MAD1L1: variants seen among roughly 807,000 people sequenced by gnomAD.
MAD1L1 encodes mitotic spindle assembly checkpoint protein MAD1.
In MAD1L1, 95 loss-of-function variants were observed where a neutral mutation model predicts 96.9. The ratio of observed to expected loss-of-function variants is 0.98; its 90% CI spans 0.83 to 1.16. MAD1L1 has a LOEUF of 1.16. Ranked by LOEUF, MAD1L1 falls within the 50% of genes most tolerant of loss-of-function variation. The pLI is 0.00. For synonymous variants in MAD1L1, 473 were observed against 396.6 expected, an observed-to-expected ratio of 1.19 and a Z score of -2.29; for missense variants, 1,007 against 954.4, an observed-to-expected ratio of 1.06 and a Z score of -0.73.
chr7:2,223,202 G>A (rs901413720), intron 4 of MAD1L1, among the ~76,000 whole-genome samples: 3 of 152,242 alleles, frequency 2.0e-5, no homozygotes, highest in Non-Finnish European at 4.4e-5. Flanking sequence ...GGCAGAGACA[G>A]GCAGCGTGGA....
intron 18 of MAD1L1, among the ~76,000 whole-genome samples, chr7:1,892,515 T>G (rs11768206): frequency 0.3 from 45,398 of 152,112 alleles, 8,146 homozygotes; most frequent in East Asian, 0.45. Context: ...CATGCAAATA[T>G]TCATCCCTAA....
chr7:2,230,202 G>A, intron 2 of MAD1L1, 59 bp from the exon 3 acceptor site: 5 of 1,422,868 alleles, frequency 3.5e-6, no homozygotes, highest in Non-Finnish European at 4.8e-6. Flanking sequence ...CATCAGCCGT[G>A]CAGTCAGCAG....
chr7:1,825,847 G>C (rs1345689640), intron 18 of MAD1L1, among the ~76,000 whole-genome samples: 1 of 151,924 alleles, frequency 6.6e-6, no homozygotes, highest in Non-Finnish European at 1.5e-5. Flanking sequence ...TCCCAGCCCC[G>C]GGGTTGGAGG....
intron 13 of MAD1L1, among the ~76,000 whole-genome samples, chr7:2,006,892 C>G (rs541397300): frequency 2.0e-5 from 3 of 152,318 alleles, no homozygotes; most frequent in Admixed American, 6.5e-5. Flanking sequence ...ACACACCCCC[C>G]ACCTCAGTCC....
At chr7:1,904,607 T>C (rs1355751758) in intron 17 of MAD1L1, among the ~76,000 whole-genome samples, 552 of 47,932 alleles carry the variant, frequency 0.012, 1 homozygote, top group Middle Eastern at 0.089. Context: ...TAATGAAGCA[T>C]TGTTCCAGGC....
intron 18 of MAD1L1, among the ~76,000 whole-genome samples, chr7:1,832,934 C>T (rs77127512): frequency 4.2e-4 from 60 of 144,002 alleles, no homozygotes; most frequent in South Asian, 1.4e-3. Flanking sequence ...ACCCAGCCCA[C>T]TGGTGTTTTT....
intron 15 of MAD1L1, among the ~76,000 whole-genome samples, chr7:1,960,304 CA>C: frequency 6.7e-6 from 1 of 148,468 alleles, no homozygotes; most frequent in East Asian, 2.0e-4. Flanking sequence ...AGAAAACAGT[CA>C]AATGACAAGA....
intron 18 of MAD1L1, among the ~76,000 whole-genome samples, chr7:1,863,905 G>A (rs1000962731): frequency 2.0e-5 from 3 of 152,184 alleles, no homozygotes; most frequent in African/African-American, 7.2e-5. Flanking sequence ...TGGCCAAGAT[G>A]GTGAAACCCC....
chr7:1,937,328 C>T (rs1470510737), intron 16 of MAD1L1, among the ~76,000 whole-genome samples: 9 of 152,164 alleles, frequency 5.9e-5, no homozygotes, highest in Non-Finnish European at 5.9e-5. Flanking sequence ...GAAGGTGCCC[C>T]GTGCCACAAG....
At chr7:2,176,962 G>A (rs970898574) in intron 10 of MAD1L1, among the ~76,000 whole-genome samples, 4 of 152,194 alleles carry the variant, frequency 2.6e-5, no homozygotes, top group Non-Finnish European at 5.9e-5. Context: ...TGTGAAATCA[G>A]AAGAGACACC....
intron 9 of MAD1L1, among the ~76,000 whole-genome samples, chr7:2,213,982 C>T (rs1793123342): frequency 6.6e-6 from 1 of 152,288 alleles, no homozygotes; most frequent in Non-Finnish European, 1.5e-5. Context: ...ACGCTCCACT[C>T]GGCAAGTCAG....
intron 12 of MAD1L1, among the ~76,000 whole-genome samples, chr7:2,045,723 G>A (rs1783889671): frequency 6.6e-6 from 1 of 151,910 alleles, no homozygotes; most frequent in Admixed American, 6.6e-5. Context: ...ATTCCTTGAA[G>A]GAAGGAGAGT....
chr7:1,859,637 G>A (rs1408674427), intron 18 of MAD1L1, among the ~76,000 whole-genome samples: 1 of 152,164 alleles, frequency 6.6e-6, no homozygotes, highest in Non-Finnish European at 1.5e-5. Flanking sequence ...CCCTGCAGAG[G>A]AGGGAGGAGA....
intron 12 of MAD1L1, among the ~76,000 whole-genome samples, chr7:2,045,702 A>G (rs751545767): frequency 1.4e-5 from 2 of 146,600 alleles, no homozygotes; most frequent in Non-Finnish European, 3.0e-5. Flanking sequence ...CAAAGTGAAA[A>G]GTCTAACAGG....
At chr7:2,055,808 G>T (rs779596698) in intron 12 of MAD1L1, among the ~76,000 whole-genome samples, 1 of 151,494 alleles carries the variant, frequency 6.6e-6, no homozygotes, top group Non-Finnish European at 1.5e-5. Flanking sequence ...GCAAAACCCC[G>T]TCTCTACTAC....
intron 12 of MAD1L1, among the ~76,000 whole-genome samples, chr7:2,020,169 C>G (rs1362238183): frequency 6.6e-6 from 1 of 152,194 alleles, no homozygotes; most frequent in Non-Finnish European, 1.5e-5. Context: ...TGCGGCCCTA[C>G]AGTCCCGGGG....
intron 17 of MAD1L1, among the ~76,000 whole-genome samples, chr7:1,921,076 C>T (rs1026027315): frequency 6.6e-6 from 1 of 152,086 alleles, no homozygotes; most frequent in African/African-American, 2.4e-5. Context: ...AGGACCCCTG[C>T]CCAGCAGATG....
intron 11 of MAD1L1, among the ~76,000 whole-genome samples, chr7:2,123,390 G>A (rs557203704): frequency 1.0e-3 from 152 of 152,288 alleles, no homozygotes; most frequent in Non-Finnish European, 2.0e-3. Flanking sequence ...GACATTGCGG[G>A]AGGGCTCCCA....
At chr7:1,901,731 G>C (rs932395074) in intron 17 of MAD1L1, among the ~76,000 whole-genome samples, 2 of 152,162 alleles carry the variant, frequency 1.3e-5, no homozygotes, top group Non-Finnish European at 2.9e-5. Flanking sequence ...CCCAGGCTTA[G>C]AGCCAAACCG....
Sources: allele counts gnomAD v4.1 joint callset (sites outside exome capture counted in the v4.1 genomes callset), GRCh38; gene constraint gnomAD v4.1.1; transcripts MANE v1.5; gene names NCBI Gene and HGNC (gene_info 2026-07-23, HGNC 2026-07-21).